ELAVL3: variants seen among roughly 807,000 people sequenced by gnomAD.
ELAVL3 encodes ELAV-like protein 3.
Under a neutral mutation model 34.2 loss-of-function variants are expected in ELAVL3, and 8 were observed. The observed-to-expected ratio is 0.23, with a 90% CI of 0.14 to 0.42. ELAVL3 has a LOEUF of 0.42. Ranked by LOEUF, ELAVL3 falls within the 10% of genes least tolerant of loss-of-function variation. ELAVL3 has a pLI of 1.00. For missense variants in ELAVL3, 273 were observed against 518.8 expected (o/e 0.53, Z 4.60); for synonymous variants, 209 against 222.1 (o/e 0.94, Z 0.53).
intron 1 of ELAVL3, among the ~76,000 whole-genome samples, chr19:11,467,146 G>C (rs927676440): frequency 1.3e-5 from 2 of 152,146 alleles, no homozygotes; most frequent in Admixed American, 1.3e-4. Context: ...TTTCACGTCG[G>C]GCGCAGTGGC....
At chr19:11,461,401 G>T (rs1390123908) in intron 3 of ELAVL3, among the ~76,000 whole-genome samples, 1 of 152,084 alleles carries the variant, frequency 6.6e-6, no homozygotes, top group Non-Finnish European at 1.5e-5. Flanking sequence ...TGGGGAAGAG[G>T]CTGGGGCGTG....
intron 6 of ELAVL3, among the ~76,000 whole-genome samples, chr19:11,456,687 A>G (rs185221290): frequency 9.4e-5 from 14 of 148,344 alleles, no homozygotes; most frequent in South Asian, 2.2e-4. Flanking sequence ...TTTTGGAGAT[A>G]AGGTCTCGCT....
At chr19:11,479,811 C>T (rs969059031) in intron 1 of ELAVL3, among the ~76,000 whole-genome samples, 4 of 151,802 alleles carry the variant, frequency 2.6e-5, no homozygotes, top group Admixed American at 6.6e-5. Context: ...CGCTCAAGGT[C>T]ACCTCGCGGC....
Position 11,466,926 on chromosome 19 carries a change from G to C in ELAVL3, c.10-99C>G. On this transcript the variant is annotated intron_variant, in intron 1 of 6. Coordinates refer to ENST00000359227, the MANE Select transcript of ELAVL3 (RefSeq NM_001420.4). This position sits in a 1 kb window ranked among gnomAD's most constrained non-coding sequence, Gnocchi z 5.0. ...GGTGATGAATTAGCCATGTCTTATA[G>C]GGGCTTCGTCATGGGGAGGGGTCAC... The C allele has an allele frequency of 1.0e-6, 1 of 978,888 alleles. No individual in the cohort carries two copies. The highest frequency in any genetic ancestry group is 1.6e-5 in the South Asian group (1 of 62,400). The allele number at this position is 978,888 out of a possible 1,614,324, so 60.6% of individuals were successfully genotyped here. A position where few individuals can be genotyped will look rare whatever the true frequency, so the allele number is the denominator to read the frequency against.
Position 11,466,601 on chromosome 19 carries a change from G to T in ELAVL3, c.229+7C>A. The T allele has an allele frequency of 6.2e-7, 1 of 1,613,610 alleles. No homozygotes were observed. On this transcript the variant is annotated splice_region_variant and intron_variant, in intron 2 of 6. Coordinates refer to ENST00000359227, the MANE Select transcript of ELAVL3 (RefSeq NM_001420.4). This position sits in a 1 kb window ranked among gnomAD's most constrained non-coding sequence, Gnocchi z 5.0. ...TCTGTTCCTCCCCGCAACTCCAGCA[G>T]CCACACCTGTGATCTTGTCCCGAAC...
intron 3 of ELAVL3, among the ~76,000 whole-genome samples, chr19:11,464,091 C>G (rs1970948891): frequency 6.8e-6 from 1 of 147,866 alleles, no homozygotes; most frequent in Non-Finnish European, 1.5e-5. Context: ...CTCCCTCCCT[C>G]TCTCTCCCTC....
rs1482141530 is a variant in ELAVL3 at position 11,466,402 on chromosome 19, C to T, written c.230-127G>A. 8 of 1,045,358 alleles carry T rather than the reference C, an allele frequency of 7.7e-6. No homozygotes were observed. The highest frequency in any genetic ancestry group is 1.2e-5 in the Non-Finnish European group (8 of 693,516). The allele number at this position is 1,045,358 out of a possible 1,614,324, so 64.8% of individuals were successfully genotyped here. A position where few individuals can be genotyped will look rare whatever the true frequency, so the allele number is the denominator to read the frequency against. On this transcript the variant is annotated intron_variant, in intron 2 of 6. Coordinates refer to ENST00000359227, the MANE Select transcript of ELAVL3 (RefSeq NM_001420.4). The surrounding 1 kb of genome is among the most constrained non-coding windows in gnomAD (Gnocchi z 5.0). ...CCTTCCTGTTTCCAGATGACACCTTCGATGCTAGAGTCCCACCTGCCTCCA... is the reference window on the plus strand; with the variant it reads ...CCTTCCTGTTTCCAGATGACACCTTTGATGCTAGAGTCCCACCTGCCTCCA...
At position 11,454,511 on chromosome 19, in the gene ELAVL3, G is replaced by A. The variant is rs1714548348; in HGVS notation, c.*15C>T. The A allele has an allele frequency of 1.3e-6, 2 of 1,539,430 alleles. No homozygotes were observed. Among genetic ancestry groups the A allele is most frequent in the African/African-American group, 2.7e-5 (2 of 73,508 alleles). On this transcript the variant is annotated 3_prime_UTR_variant, in exon 7 of 7. Coordinates refer to ENST00000359227, the MANE Select transcript of ELAVL3 (RefSeq NM_001420.4). This position sits in a 1 kb window ranked among gnomAD's most constrained non-coding sequence, Gnocchi z 9.2. ...TGCTGCCCGGGGAGGGGGTGGGAGG[G>A]CAGGCGGGGTGGGCTCACGCCTTGT...
At chr19:11,459,032 C>G (rs990075465) in intron 3 of ELAVL3, among the ~76,000 whole-genome samples, 5 of 151,920 alleles carry the variant, frequency 3.3e-5, no homozygotes, top group African/African-American at 2.4e-5. Context: ...ACTACAGCCT[C>G]GACCTCTTGG....
rs1234190818 is a variant in ELAVL3, at chr19:11,452,205, A to G, written c.*2321T>C. ...CCCCGCGTGCCACTCGGCTACCATTACTGTTATTAATAATTATTATTACTT... is the reference window on the plus strand; with the variant it reads ...CCCCGCGTGCCACTCGGCTACCATTGCTGTTATTAATAATTATTATTACTT... On this transcript the variant is annotated 3_prime_UTR_variant, in exon 7 of 7. Coordinates refer to ENST00000359227, the MANE Select transcript of ELAVL3 (RefSeq NM_001420.4). 1 of 152,214 alleles carries G rather than the reference A, an allele frequency of 6.6e-6. No individual in the cohort carries two copies. Among genetic ancestry groups the G allele is most frequent in the Non-Finnish European group, 1.5e-5 (1 of 68,034 alleles). The allele number at this position is 152,214 out of a possible 1,614,324, so 9.4% of individuals were successfully genotyped here. A position where few individuals can be genotyped will look rare whatever the true frequency, so the allele number is the denominator to read the frequency against.
chr19:11,463,734 G>A (rs1970939720), intron 3 of ELAVL3, among the ~76,000 whole-genome samples: 1 of 152,110 alleles, frequency 6.6e-6, no homozygotes, highest in Non-Finnish European at 1.5e-5. Context: ...CACTTTGGGA[G>A]GCTGAGGTGG....
chr19:11,459,397 T>C (rs530306232), intron 3 of ELAVL3, among the ~76,000 whole-genome samples: 4 of 152,068 alleles, frequency 2.6e-5, no homozygotes, highest in Admixed American at 2.0e-4. Flanking sequence ...CCTCCCAAAG[T>C]GCTGGGATTA....
At position 11,451,808 on chromosome 19, in the gene ELAVL3, G is replaced by GGA. The variant is rs1039222634; in HGVS notation, c.*2717_*2718insTC. Reference sequence around the variant, plus strand: ...CAGGGGCCTAGGCCTCGGTGGGGGGGGGGTGTGTGGGGAGGTGCCCCCTCT... The same window carrying GGA: ...CAGGGGCCTAGGCCTCGGTGGGGGGGGAGGGTGTGTGGGGAGGTGCCCCCTCT... On this transcript the variant is annotated 3_prime_UTR_variant, in exon 7 of 7. Coordinates refer to ENST00000359227, the MANE Select transcript of ELAVL3 (RefSeq NM_001420.4). 4 of 152,000 alleles carry GGA rather than the reference G, an allele frequency of 2.6e-5. No individual in the cohort carries two copies. The highest frequency in any genetic ancestry group is 9.7e-5 in the African/African-American group (4 of 41,450). The allele number at this position is 152,000 out of a possible 1,614,324, so 9.4% of individuals were successfully genotyped here. A position where few individuals can be genotyped will look rare whatever the true frequency, so the allele number is the denominator to read the frequency against.
At chr19:11,475,014 G>A (rs1229858659) in intron 1 of ELAVL3, among the ~76,000 whole-genome samples, 4 of 152,096 alleles carry the variant, frequency 2.6e-5, no homozygotes, top group African/African-American at 9.7e-5. Flanking sequence ...ATTTTTAGTA[G>A]AGATGGGGTT....
chr19:11,456,347 G>A (rs942419937), intron 6 of ELAVL3, among the ~76,000 whole-genome samples: 2 of 151,724 alleles, frequency 1.3e-5, no homozygotes, highest in African/African-American at 2.4e-5. Context: ...CTCGTGATCC[G>A]CCTGCCTCGG....
intron 6 of ELAVL3, among the ~76,000 whole-genome samples, chr19:11,456,232 G>A (rs957680782): frequency 6.6e-6 from 1 of 151,480 alleles, no homozygotes; most frequent in East Asian, 2.0e-4. Context: ...AGCCTCCCGA[G>A]TAGCTGGGAT....
At chr19:11,476,415 A>G (rs1971264159) in intron 1 of ELAVL3, among the ~76,000 whole-genome samples, 1 of 151,908 alleles carries the variant, frequency 6.6e-6, no homozygotes, top group South Asian at 2.1e-4. Flanking sequence ...GTGGTGGTGC[A>G]TGCCTGTAGT....
intron 3 of ELAVL3, among the ~76,000 whole-genome samples, chr19:11,461,163 A>G (rs1970875950): frequency 6.6e-6 from 1 of 151,880 alleles, no homozygotes; most frequent in South Asian, 2.1e-4. Context: ...TGGGCTACAG[A>G]GCAAGACCCT....
At chr19:11,465,359 CAT>C (rs1274838799) in intron 3 of ELAVL3, among the ~76,000 whole-genome samples, 1 of 149,224 alleles carries the variant, frequency 6.7e-6, no homozygotes, top group Non-Finnish European at 1.5e-5. Flanking sequence ...TACACACACA[CAT>C]GCGTACACAT....
Sources: gnomAD v4.1 joint callset for allele counts (sites outside exome capture counted in the v4.1 genomes callset) on GRCh38, gnomAD v4.1.1 for gene constraint, Gnocchi (gnomAD v3.1) non-coding constraint, MANE v1.5 for transcripts, NCBI Gene and HGNC (gene_info 2026-07-23, HGNC 2026-07-21) for gene names.